SLC30A6: variants seen among roughly 807,000 people sequenced by gnomAD.
SLC30A6 encodes zinc transporter 6.
A neutral mutation model predicts 63.0 loss-of-function variants in SLC30A6; 55 were observed. The ratio of observed to expected loss-of-function variants is 0.87; its 90% confidence interval spans 0.70 to 1.09. SLC30A6 has a LOEUF of 1.09. SLC30A6 is among the 50% of genes least tolerant of loss of function. SLC30A6 has a pLI of 0.00. For synonymous variants in SLC30A6, 224 were observed against 186.1 expected, an observed-to-expected ratio of 1.20 and a Z score of -1.66; for missense variants, 587 against 549.2, an observed-to-expected ratio of 1.07 and a Z score of -0.69.
chr2:32,209,544 C>G lies in SLC30A6; in HGVS notation c.868C>G (p.Leu290Val). The stretch of plus-strand genomic sequence containing the variant: ...AGTCCGAAATGAACATTTTTGGACC[C>G]TAGGTTTTGGCTCATTGGTATGTTC... ...LEVRNEHFWT[L>V]GFGSLAGSVH... Residue 290 changes from leucine (L) to valine (V), a missense_variant, in exon 13 of 14, where the codon CTA becomes GTA. Physicochemically the swap from Leu to Val is conservative, Grantham distance 32 (BLOSUM62 1). Transcript: ENST00000282587. 1 of 1,612,016 alleles carries G rather than the reference C, an allele frequency of 6.2e-7. No individual in the cohort carries two copies. Among genetic ancestry groups the G allele is most frequent in the Non-Finnish European group, 8.5e-7 (1 of 1,179,338 alleles).
intron 13 of SLC30A6, among the ~76,000 whole-genome samples, chr2:32,212,699 C>T (rs547415146): frequency 1.4e-5 from 2 of 146,058 alleles, no homozygotes; most frequent in South Asian, 2.2e-4. Context: ...CAGGTTCAAG[C>T]GATCCTTTCA....
At chr2:32,195,095 C>T (rs1683661064) in intron 8 of SLC30A6, among the ~76,000 whole-genome samples, 1 of 133,966 alleles carries the variant, frequency 7.5e-6, no homozygotes, top group African/African-American at 2.8e-5. Context: ...AGTTTTATGC[C>T]TGGCTTTTTT....
intron 12 of SLC30A6, among the ~76,000 whole-genome samples, chr2:32,207,508 C>G (rs1378772954): frequency 6.6e-6 from 1 of 151,408 alleles, no homozygotes; most frequent in Non-Finnish European, 1.5e-5. Context: ...TCCTGAGTAG[C>G]CGGGACTACA....
chr2:32,168,087 T>C (rs1269321816), intron 1 of SLC30A6, among the ~76,000 whole-genome samples: 1 of 152,212 alleles, frequency 6.6e-6, no homozygotes, highest in Non-Finnish European at 1.5e-5. Context: ...TCTTTATGCT[T>C]GAAACATTAG....
chr2:32,217,768 G>T (rs2148913568), intron 13 of SLC30A6, among the ~76,000 whole-genome samples: 1 of 151,658 alleles, frequency 6.6e-6, no homozygotes, highest in Middle Eastern at 3.5e-3. Context: ...TCCTTGTAGA[G>T]ATCTTTCACC....
At chr2:32,188,735 A>G (rs71446056) in intron 5 of SLC30A6, among the ~76,000 whole-genome samples, 15,095 of 152,224 alleles carry the variant, frequency 0.099, 815 homozygotes, top group Middle Eastern at 0.22. Context: ...TGTTTTCTGT[A>G]ATATCTTTGT....
chr2:32,214,838 AAGAGGAT>A (rs1685564398), intron 13 of SLC30A6, among the ~76,000 whole-genome samples: 2 of 152,230 alleles, frequency 1.3e-5, no homozygotes, highest in Non-Finnish European at 2.9e-5. Context: ...ATCAGACTGA[AAGAGGAT>A]ATGGCATCTT....
rs1310995859 is a variant in SLC30A6, at chr2:32,213,814, T to TC, written c.885+4253_885+4254insC. Reference sequence around the variant, plus strand: ...GGATAAACTTTTTTTTTTTTTTGTTTTTGTTTTGAGACGGAGTCTCACACT... The same window carrying TC: ...GGATAAACTTTTTTTTTTTTTTGTTTCTTGTTTTGAGACGGAGTCTCACACT... On this transcript the variant is annotated intron_variant, in intron 13 of 13. Transcript: ENST00000282587. 4.7e-4 allele frequency among the ~76,000 whole-genome samples: 67 copies of TC among 142,846 alleles called. 4 individuals are homozygous for TC. In the Middle Eastern group the frequency reaches 0.011, roughly 23 times the overall value. The allele number at this position is 142,846 out of a possible 152,430, so 93.7% of individuals were successfully genotyped here. A position where few individuals can be genotyped will look rare whatever the true frequency, so the allele number is the denominator to read the frequency against.
intron 10 of SLC30A6, among the ~76,000 whole-genome samples, chr2:32,200,729 C>T (rs1019988469): frequency 1.3e-5 from 2 of 152,028 alleles, no homozygotes; most frequent in African/African-American, 4.8e-5. Flanking sequence ...CTAGGAAAAC[C>T]AGAGACCTTT....
intron 5 of SLC30A6, among the ~76,000 whole-genome samples, chr2:32,187,477 G>T (rs1238972549): frequency 6.6e-6 from 1 of 152,084 alleles, no homozygotes; most frequent in Admixed American, 6.6e-5. Flanking sequence ...TCCCATTTTG[G>T]CTCACTTGCT....
intron 8 of SLC30A6, among the ~76,000 whole-genome samples, chr2:32,194,380 A>G (rs1020499193): frequency 1.3e-5 from 2 of 152,212 alleles, no homozygotes; most frequent in Non-Finnish European, 1.5e-5. Flanking sequence ...TAATAAAGTA[A>G]GTTCCCAGGA....
chr2:32,207,200 A>C (rs771022137), intron 12 of SLC30A6, among the ~76,000 whole-genome samples: 1 of 151,888 alleles, frequency 6.6e-6, no homozygotes, highest in Non-Finnish European at 1.5e-5. Flanking sequence ...ATTTTTATTT[A>C]TTTTATTTAG....
intron 13 of SLC30A6, among the ~76,000 whole-genome samples, chr2:32,219,094 C>T (rs1573445322): frequency 1.3e-5 from 2 of 152,062 alleles, no homozygotes; most frequent in Non-Finnish European, 2.9e-5. Context: ...AGTGCGATGG[C>T]GTGATCTCGG....
At chr2:32,184,222 C>A in intron 4 of SLC30A6, 51 bp from the exon 5 acceptor site, 1 of 1,049,030 alleles carries the variant, frequency 9.5e-7, no homozygotes, top group Non-Finnish European at 1.3e-6. Flanking sequence ...AATTTATCTT[C>A]ACATGTTCTC....
chr2:32,216,438 A>G (rs753506377), intron 13 of SLC30A6, among the ~76,000 whole-genome samples: 5 of 152,082 alleles, frequency 3.3e-5, no homozygotes, highest in Non-Finnish European at 5.9e-5. Flanking sequence ...TGGGAGGCTG[A>G]GGCAGGAGAA....
At chr2:32,193,280 G>T (rs1181774839) in intron 7 of SLC30A6, among the ~76,000 whole-genome samples, 1 of 152,024 alleles carries the variant, frequency 6.6e-6, no homozygotes, top group Admixed American at 6.6e-5. Flanking sequence ...CATAGCACCT[G>T]TAGAAAAGAG....
At chr2:32,166,491 A>G (rs973162360) in intron 1 of SLC30A6, among the ~76,000 whole-genome samples, 13 of 152,236 alleles carry the variant, frequency 8.5e-5, no homozygotes, top group African/African-American at 3.1e-4. Context: ...AACTAATGGA[A>G]GACCCAGTAG....
chr2:32,216,234 T>A (rs1312581456), intron 13 of SLC30A6, among the ~76,000 whole-genome samples: 1 of 152,174 alleles, frequency 6.6e-6, no homozygotes, highest in Admixed American at 6.5e-5. Context: ...GTTTTTTCAC[T>A]TTTTAATAAT....
At chr2:32,184,601 C>G (rs1296708230) in intron 5 of SLC30A6, among the ~76,000 whole-genome samples, 1 of 152,120 alleles carries the variant, frequency 6.6e-6, no homozygotes, top group Non-Finnish European at 1.5e-5. Flanking sequence ...CCTATCTCTA[C>G]TAAAAATACA....
Sources: allele counts gnomAD v4.1 joint callset (sites outside exome capture counted in the v4.1 genomes callset), GRCh38; gene constraint gnomAD v4.1.1; transcripts MANE v1.5; gene names NCBI Gene and HGNC (gene_info 2026-07-23, HGNC 2026-07-21).